Variants in SCN9A observed in about 807,000 individuals in gnomAD.
SCN9A encodes sodium voltage-gated channel alpha subunit 9.
A neutral mutation model predicts 187.0 loss-of-function variants in SCN9A; 131 were observed. The ratio of observed to expected loss-of-function variants is 0.70; its 90% confidence interval spans 0.61 to 0.81. The LOEUF (loss-of-function observed/expected upper bound fraction) is 0.81, where lower values mean the gene tolerates loss of function less well. SCN9A is among the 30% of genes least tolerant of loss of function. The pLI, the probability that SCN9A is intolerant of heterozygous loss-of-function variation, is 0.00. For missense variants in SCN9A, 2,252 were observed against 2,396.6 expected (o/e 0.94, Z 1.26); for synonymous variants, 809 against 808.6 (o/e 1.00, Z -0.01).
intron 7 of SCN9A, 73 bp downstream of exon 7, chr2:166,303,017 C>G (rs1698623260): frequency 8.8e-7 from 1 of 1,130,094 alleles, no homozygotes; most frequent in African/African-American, 1.6e-5. Flanking sequence ...ATGAAAGCAA[C>G]ATTTCATTAT....
chr2:166,203,874 G>C (rs1336097197), intron 26 of SCN9A, 81 bp downstream of exon 26: 18 of 862,468 alleles, frequency 2.1e-5, no homozygotes, highest in Admixed American at 8.3e-5. Context: ...TTGTGTTCAA[G>C]AATTCAGCAT....
At chr2:166,213,763 T>C (rs1411918200) in intron 24 of SCN9A, among the ~76,000 whole-genome samples, 1 of 152,122 alleles carries the variant, frequency 6.6e-6, no homozygotes, top group Non-Finnish European at 1.5e-5. Context: ...TTTATGACTA[T>C]TTTTTCTCTC....
At chr2:166,229,309 C>T (rs1021781947) in intron 21 of SCN9A, among the ~76,000 whole-genome samples, 1 of 151,444 alleles carries the variant, frequency 6.6e-6, no homozygotes, top group Admixed American at 6.6e-5. Flanking sequence ...AAACCAAAAC[C>T]TGTTATTGAT....
At chr2:166,276,256 CT>C (rs1697231539) in intron 16 of SCN9A, among the ~76,000 whole-genome samples, 1 of 152,122 alleles carries the variant, frequency 6.6e-6, no homozygotes, top group South Asian at 2.1e-4. Flanking sequence ...GGCTGGAAAA[CT>C]TTTTCGTAAA....
intron 1 of SCN9A, among the ~76,000 whole-genome samples, chr2:166,320,873 A>G (rs1279780582): frequency 1.3e-5 from 2 of 152,192 alleles, no homozygotes; most frequent in African/African-American, 4.8e-5. Flanking sequence ...GGTATACTCC[A>G]CTGTGGCTAT....
chr2:166,242,702 TA>T, intron 18 of SCN9A, 46 bp from the exon 19 acceptor site: 1 of 1,418,912 alleles, frequency 7.0e-7, no homozygotes, highest in Non-Finnish European at 9.6e-7. Context: ...TCAGAATAAA[TA>T]AAATTTTTAA....
intron 10 of SCN9A, among the ~76,000 whole-genome samples, chr2:166,287,829 G>T (rs1009064526): frequency 6.6e-6 from 1 of 151,528 alleles, no homozygotes; most frequent in Non-Finnish European, 1.5e-5. Flanking sequence ...AACAAAACAT[G>T]ATGCACTGTT....
At chr2:166,202,088 G>A (rs766627341) in intron 26 of SCN9A, among the ~76,000 whole-genome samples, 7 of 150,966 alleles carry the variant, frequency 4.6e-5, no homozygotes, top group South Asian at 2.1e-4. Flanking sequence ...ATCCTTTCTC[G>A]GCCTTAACTG....
intron 26 of SCN9A, among the ~76,000 whole-genome samples, chr2:166,202,655 A>G (rs932623096): frequency 6.6e-6 from 1 of 151,772 alleles, no homozygotes; most frequent in Admixed American, 6.6e-5. Flanking sequence ...CAATTATTTT[A>G]GCTTTCTTTT....
intron 1 of SCN9A, among the ~76,000 whole-genome samples, chr2:166,370,235 A>ATCATCATCATCATCATCATC (rs1553507744): frequency 3.6e-5 from 5 of 137,180 alleles, no homozygotes; most frequent in African/African-American, 1.4e-4. Flanking sequence ...TAATAATAAT[A>ATCATCATCATCATCATCATC]ATCATCATCA....
intron 24 of SCN9A, among the ~76,000 whole-genome samples, chr2:166,224,401 T>G (rs562979209): frequency 6.8e-6 from 1 of 146,162 alleles, no homozygotes; most frequent in African/African-American, 2.8e-5. Context: ...TTGCAAATAG[T>G]CAATCATGCA....
intron 17 of SCN9A, among the ~76,000 whole-genome samples, chr2:166,268,517 A>T (rs1558995267): frequency 6.6e-6 from 1 of 151,988 alleles, no homozygotes; most frequent in African/African-American, 2.4e-5. Context: ...TGAGAATTAG[A>T]GCAGGAAAAG....
At chr2:166,369,990 ACATTTTTCT>A (rs553880123) in intron 1 of SCN9A, among the ~76,000 whole-genome samples, 201 of 152,008 alleles carry the variant, frequency 1.3e-3, no homozygotes, top group Admixed American at 2.6e-3. Context: ...TTATCATGAA[ACATTTTTCT>A]CATTTTTCCC....
At chr2:166,241,666 G>T (rs554684541) in intron 19 of SCN9A, among the ~76,000 whole-genome samples, 1 of 94,910 alleles carries the variant, frequency 1.1e-5, no homozygotes, top group Non-Finnish European at 2.3e-5. Flanking sequence ...CACCATTTAC[G>T]TTTCTGAAAT....
chr2:166,350,652 A>G (rs1217037835), intron 1 of SCN9A, among the ~76,000 whole-genome samples: 2 of 152,216 alleles, frequency 1.3e-5, no homozygotes, highest in Non-Finnish European at 2.9e-5. Flanking sequence ...AATAAGAATT[A>G]GAACTATATT....
intron 17 of SCN9A, among the ~76,000 whole-genome samples, chr2:166,261,923 G>T (rs1012792379): frequency 5.9e-5 from 9 of 151,920 alleles, no homozygotes; most frequent in African/African-American, 2.2e-4. Context: ...GCAAAGTGAT[G>T]TGTAGAAAAA....
chr2:166,282,778 C>T (rs1191067046), intron 12 of SCN9A, among the ~76,000 whole-genome samples: 4 of 152,054 alleles, frequency 2.6e-5, no homozygotes, highest in African/African-American at 9.7e-5. Flanking sequence ...GTGTATTATG[C>T]ATCTATGTGT....
At chr2:166,358,893 T>C (rs1281371990) in intron 1 of SCN9A, among the ~76,000 whole-genome samples, 3 of 152,204 alleles carry the variant, frequency 2.0e-5, no homozygotes, top group Non-Finnish European at 2.9e-5. Context: ...TTGTGGTTTG[T>C]ATGTTATTTT....
At chr2:166,304,544 T>A (rs955598389) in intron 5 of SCN9A, among the ~76,000 whole-genome samples, 1 of 152,144 alleles carries the variant, frequency 6.6e-6, no homozygotes, top group Non-Finnish European at 1.5e-5. Flanking sequence ...TTAAATTGGA[T>A]TCATACACTT....
Sources: allele counts gnomAD v4.1 joint callset (sites outside exome capture counted in the v4.1 genomes callset), GRCh38; gene constraint gnomAD v4.1.1; transcripts MANE v1.5; gene names NCBI Gene and HGNC (gene_info 2026-07-23, HGNC 2026-07-21).